Variants in VPS26A observed in about 807,000 individuals in gnomAD.
VPS26A encodes the protein vacuolar protein sorting-associated protein 26A.
VPS26A carries 22 observed loss-of-function variants against 42.4 expected under a neutral mutation model. The observed-to-expected ratio is 0.52, with a 90% CI of 0.37 to 0.74. VPS26A has a LOEUF of 0.74. Among genes scored for constraint, VPS26A ranks in the 30% least tolerant of loss-of-function variants. The pLI, the probability that VPS26A is intolerant of heterozygous loss-of-function variation, is 0.00. For missense variants in VPS26A, 276 were observed against 379.2 expected (o/e 0.73, Z 2.26); for synonymous variants, 110 against 123.5 (o/e 0.89, Z 0.73).
At chr10:69,168,229 A>G (rs1431137386) in intron 7 of VPS26A, among the ~76,000 whole-genome samples, 1 of 152,200 alleles carries the variant, frequency 6.6e-6, no homozygotes, top group Non-Finnish European at 1.5e-5. Context: ...TGGCTGTTAC[A>G]TTTGGAGAGT....
intron 2 of VPS26A, among the ~76,000 whole-genome samples, chr10:69,150,514 C>T (rs1841280113): frequency 2.0e-5 from 3 of 152,104 alleles, no homozygotes; most frequent in South Asian, 2.1e-4. Flanking sequence ...TCTCCTGCCT[C>T]GGCCTCCTGA....
At chr10:69,139,485 G>A (rs1840993569) in intron 2 of VPS26A, among the ~76,000 whole-genome samples, 1 of 152,004 alleles carries the variant, frequency 6.6e-6, no homozygotes, top group Admixed American at 6.6e-5. Flanking sequence ...TAAATTTTTA[G>A]TAGAGATGGG....
intron 1 of VPS26A, among the ~76,000 whole-genome samples, chr10:69,124,635 C>T (rs1840609929): frequency 1.3e-5 from 2 of 152,220 alleles, no homozygotes; most frequent in African/African-American, 4.8e-5. Flanking sequence ...GTTCTCCTCC[C>T]GGGCAGCCTC....
chr10:69,124,652 ATCCAGGTGGGGCGACCCG>A (rs1166746154), intron 1 of VPS26A, among the ~76,000 whole-genome samples: 1 of 152,086 alleles, frequency 6.6e-6, no homozygotes, highest in African/African-American at 2.4e-5. Flanking sequence ...CCTCTCTTCC[ATCCAGGTGGGGCGACCCG>A]GGAGCCCCCC....
At chr10:69,143,642 A>G (rs1019046840) in intron 2 of VPS26A, among the ~76,000 whole-genome samples, 13 of 152,172 alleles carry the variant, frequency 8.5e-5, no homozygotes, top group Middle Eastern at 3.4e-3. Context: ...TAAATATGCT[A>G]TTTCCTTTAG....
chr10:69,126,512 AG>A (rs1840657181), intron 1 of VPS26A, among the ~76,000 whole-genome samples: 1 of 150,208 alleles, frequency 6.7e-6, no homozygotes, highest in Non-Finnish European at 1.5e-5. Context: ...GGTTGCAGTG[AG>A]CCGAGATCGC....
chr10:69,151,279 A>AAAAAAAAAAAAAAAC (rs1841306968), intron 2 of VPS26A, among the ~76,000 whole-genome samples: 1 of 106,254 alleles, frequency 9.4e-6, no homozygotes, highest in African/African-American at 2.9e-5. Context: ...AAAAAAAAAA[A>AAAAAAAAAAAAAAAC]AAAACACACA....
intron 2 of VPS26A, among the ~76,000 whole-genome samples, chr10:69,145,453 A>G (rs966278881): frequency 3.3e-5 from 5 of 152,190 alleles, no homozygotes; most frequent in African/African-American, 1.2e-4. Context: ...ATGGATACTA[A>G]TGAACCCAGG....
At chr10:69,150,617 T>C (rs1278865153) in intron 2 of VPS26A, among the ~76,000 whole-genome samples, 1 of 146,050 alleles carries the variant, frequency 6.8e-6, no homozygotes, top group African/African-American at 2.5e-5. Flanking sequence ...CAGGATGGTC[T>C]AGATCTCCTG....
At chr10:69,127,839 G>T (rs904268323) in intron 1 of VPS26A, among the ~76,000 whole-genome samples, 1 of 148,618 alleles carries the variant, frequency 6.7e-6, no homozygotes, top group East Asian at 2.0e-4. Context: ...TGGGACTGCA[G>T]GCACACACCA....
At chr10:69,146,792 C>T (rs759925428) in intron 2 of VPS26A, among the ~76,000 whole-genome samples, 15 of 152,050 alleles carry the variant, frequency 9.9e-5, no homozygotes, top group Non-Finnish European at 1.9e-4. Flanking sequence ...CTAATATATC[C>T]GTGTGGTATA....
In VPS26A at chr10:69,171,488, A is replaced by G; in HGVS notation, c.*219A>G. On this transcript the variant is annotated 3_prime_UTR_variant, in exon 9 of 9. Coordinates refer to ENST00000263559, the MANE Select transcript of VPS26A (RefSeq NM_004896.5). ...AAAAGTGCTTTCTTTGAAACACTGG[A>G]ACTTTGTTAAGCTGCCTTTTTTTTT... 1 of 381,892 alleles carries G rather than the reference A, an allele frequency of 2.6e-6. No individual in the cohort carries two copies. The allele number at this position is 381,892 out of a possible 1,614,324, so 23.7% of individuals were successfully genotyped here.
chr10:69,158,110 T>C lies in VPS26A; in HGVS notation c.450T>C (p.Ile150=), dbSNP rs752793048. The C allele has an allele frequency of 2.8e-5, 45 of 1,613,442 alleles. No individual in the cohort carries two copies. The highest frequency in any genetic ancestry group is 3.4e-5 in the Non-Finnish European group (40 of 1,179,714). The part of the protein sequence containing the change: ...LTDLVKEYDL[I]VHQLATYPDV... ...ATTTGGTAAAAGAGTATGATCTTAT[T>C]GTTCACCAGCTTGCCACCTATCCTG... The change falls in exon 5 of 9, where the codon ATT becomes ATC. Residue 150 remains isoleucine, a synonymous_variant. Coordinates refer to ENST00000263559, the MANE Select transcript of VPS26A (RefSeq NM_004896.5).
At chr10:69,139,600 CCTT>C (rs1249143643) in intron 2 of VPS26A, among the ~76,000 whole-genome samples, 2 of 152,166 alleles carry the variant, frequency 1.3e-5, no homozygotes, top group African/African-American at 2.4e-5. Flanking sequence ...TCGTGCCCGG[CCTT>C]CTTGAGTGTT....
chr10:69,161,812 G>C (rs1841568397), intron 5 of VPS26A: 2 of 279,138 alleles, frequency 7.2e-6, no homozygotes, highest in Admixed American at 3.5e-5. Flanking sequence ...AATTCCACAT[G>C]CTAGGCCATC....
At chr10:69,140,126 G>A (rs538712629) in intron 2 of VPS26A, among the ~76,000 whole-genome samples, 1 of 151,038 alleles carries the variant, frequency 6.6e-6, no homozygotes, top group East Asian at 2.0e-4. Context: ...GGAATGCAGT[G>A]GCATGACTAT....
chr10:69,145,164 T>A (rs1841129517), intron 2 of VPS26A, among the ~76,000 whole-genome samples: 1 of 58,758 alleles, frequency 1.7e-5, no homozygotes, highest in Admixed American at 1.6e-4. Flanking sequence ...GCCTCCTGAG[T>A]AGCTGGATTA....
Position 69,144,634 on chromosome 10 carries a change from C to CAT in VPS26A, c.154-11175_154-11174dup, listed in dbSNP as rs569269027. Among the ~76,000 whole-genome samples the CAT allele has an allele frequency of 6.7e-3, 1,014 of 152,186 alleles. 21 individuals are homozygous for CAT. Among genetic ancestry groups the CAT allele is most frequent in the African/African-American group, 0.024 (976 of 41,510 alleles). On this transcript the variant is annotated intron_variant, in intron 2 of 8. Coordinates refer to ENST00000263559, the MANE Select transcript of VPS26A (RefSeq NM_004896.5). ...TGCTCATTTATTTTTAGTGCCAAAT[C>CAT]ATATTCCATTGTATGGATGTACCAA...
At chr10:69,135,923 A>G (rs1232682878) in intron 2 of VPS26A, among the ~76,000 whole-genome samples, 2 of 152,160 alleles carry the variant, frequency 1.3e-5, no homozygotes, top group Non-Finnish European at 2.9e-5. Context: ...CTCAAAAGTA[A>G]CCAGTGTACT....
Sources: allele counts gnomAD v4.1 joint callset (sites outside exome capture counted in the v4.1 genomes callset), GRCh38; gene constraint gnomAD v4.1.1; transcripts MANE v1.5; gene names NCBI Gene and HGNC (gene_info 2026-07-23, HGNC 2026-07-21).